Variants in JMY observed in about 807,000 individuals in gnomAD.
The protein encoded by JMY is junction mediating and regulatory protein, p53 cofactor, also known as junction-mediating and -regulatory protein.
Under a neutral mutation model 103.3 loss-of-function variants are expected in JMY, and 46 were observed. The ratio of observed to expected loss-of-function variants is 0.45; its 90% CI spans 0.35 to 0.57. The LOEUF (loss-of-function observed/expected upper bound fraction) is 0.57, where lower values mean the gene tolerates loss of function less well. Among genes scored for constraint, JMY ranks in the 20% least tolerant of loss-of-function variants. The probability of loss-of-function intolerance (pLI) is 0.00; values close to 1 mark genes in which losing one functional copy is unlikely to be tolerated. For missense variants in JMY, 1,238 were observed against 1,255.2 expected, an observed-to-expected ratio of 0.99 and a Z score of 0.21; for synonymous variants, 526 against 489.3, an observed-to-expected ratio of 1.07 and a Z score of -0.99.
intron 1 of JMY, among the ~76,000 whole-genome samples, chr5:79,276,654 T>TGG (rs1745945401): frequency 6.6e-6 from 1 of 152,078 alleles, no homozygotes; most frequent in Admixed American, 6.6e-5. Context: ...GTCGCCAGGC[T>TGG]GGAGTTCAGT....
chr5:79,294,555 G>C (rs974556714), intron 4 of JMY, among the ~76,000 whole-genome samples: 1 of 152,156 alleles, frequency 6.6e-6, no homozygotes, highest in Admixed American at 6.5e-5. Flanking sequence ...GTGGCTGAAA[G>C]ACTTTAAAAA....
chr5:79,274,333 G>A (rs749605488), intron 1 of JMY, among the ~76,000 whole-genome samples: 6 of 151,458 alleles, frequency 4.0e-5, no homozygotes, highest in South Asian at 2.1e-4. Flanking sequence ...ATATTTGTCT[G>A]TTAAATCCAT....
At chr5:79,304,414 A>T (rs1746823051) in intron 6 of JMY, among the ~76,000 whole-genome samples, 1 of 152,164 alleles carries the variant, frequency 6.6e-6, no homozygotes, top group African/African-American at 2.4e-5. Context: ...TCATCTTAAG[A>T]TTGCATACAC....
chr5:79,277,084 C>T (rs1192396097), intron 1 of JMY, among the ~76,000 whole-genome samples: 3 of 151,956 alleles, frequency 2.0e-5, no homozygotes, highest in Non-Finnish European at 4.4e-5. Flanking sequence ...ATATTTATCA[C>T]AGTTTGAAAT....
At chr5:79,284,072 T>G (rs1308652351) in intron 2 of JMY, 9 of 1,081,952 alleles carry the variant, frequency 8.3e-6, no homozygotes, top group Non-Finnish European at 6.4e-6. Context: ...TTTTTTTATT[T>G]TATTTTTATT....
In JMY at chr5:79,300,330, A is replaced by G; in HGVS notation, c.1693+12A>G. 1 of 1,504,018 alleles carries G rather than the reference A, an allele frequency of 6.6e-7. No individual in the cohort carries two copies. Among genetic ancestry groups the G allele is most frequent in the Non-Finnish European group, 8.9e-7 (1 of 1,129,676 alleles). 93.2% of individuals were successfully genotyped at this position (1,504,018 alleles called of 1,614,324 possible). The stretch of plus-strand genomic sequence containing the variant: ...AAGACTTATATCAGGTATGGCGTGC[A>G]TTTAACCACATAAGTTCACCAAAGA... On this transcript the variant is annotated intron_variant, in intron 5 of 10. Transcript: ENST00000396137.
At position 79,325,173 on chromosome 5, in the gene JMY, A is replaced by G. The variant is rs1328911755; in HGVS notation, c.*3571A>G. On this transcript the variant is annotated 3_prime_UTR_variant, in exon 11 of 11. Coordinates refer to ENST00000396137, the MANE Select transcript of JMY (RefSeq NM_152405.5). ...AAGTTACAGTCACATGAGTGTTTGT[A>G]TAAATTTAAGTCAATGCTTTTAGCC... 6.6e-6 allele frequency: 1 copy of G among 152,436 alleles called. No homozygotes were observed. The highest frequency in any genetic ancestry group is 1.5e-5 in the Non-Finnish European group (1 of 68,024). 9.4% of individuals were successfully genotyped at this position (152,436 alleles called of 1,614,324 possible). A position where few individuals can be genotyped will look rare whatever the true frequency, so the allele number is the denominator to read the frequency against.
intron 1 of JMY, among the ~76,000 whole-genome samples, chr5:79,264,801 C>T (rs1438851394): frequency 2.0e-5 from 3 of 152,100 alleles, no homozygotes; most frequent in Non-Finnish European, 4.4e-5. Flanking sequence ...GGAACTGAAC[C>T]ATAAGAAATG....
intron 10 of JMY, among the ~76,000 whole-genome samples, chr5:79,318,162 C>T (rs1324204872): frequency 7.1e-6 from 1 of 140,016 alleles, no homozygotes; most frequent in Non-Finnish European, 1.6e-5. Flanking sequence ...CCATGATGCC[C>T]GGCTCTTTTT....
At chr5:79,278,584 A>C (rs150994913) in intron 2 of JMY, among the ~76,000 whole-genome samples, 1,457 of 127,914 alleles carry the variant, frequency 0.011, 13 homozygotes, top group Non-Finnish European at 0.019. Flanking sequence ...ACCCGTCTCT[A>C]CAAAAAAAAA....
At chr5:79,270,639 ATATT>A (rs1253484221) in intron 1 of JMY, among the ~76,000 whole-genome samples, 7 of 139,802 alleles carry the variant, frequency 5.0e-5, no homozygotes, top group South Asian at 2.1e-4. Context: ...ATTTACATAA[ATATT>A]TATATAAAAT....
intron 4 of JMY, among the ~76,000 whole-genome samples, chr5:79,293,327 A>G (rs1232053633): frequency 6.6e-6 from 1 of 152,198 alleles, no homozygotes; most frequent in Non-Finnish European, 1.5e-5. Context: ...GTTTGACTTG[A>G]AAGAATTAAC....
intron 4 of JMY, among the ~76,000 whole-genome samples, chr5:79,296,171 A>G (rs971837486): frequency 1.3e-5 from 2 of 152,236 alleles, no homozygotes; most frequent in African/African-American, 4.8e-5. Context: ...TGGTCACATT[A>G]AATGGAATAC....
chr5:79,289,195 A>G (rs1358293404), intron 2 of JMY, among the ~76,000 whole-genome samples: 1 of 150,346 alleles, frequency 6.7e-6, no homozygotes, highest in Admixed American at 6.7e-5. Flanking sequence ...AGATCGCACT[A>G]CTGTACTCCA....
chr5:79,260,310 T>C (rs1745383443), intron 1 of JMY, among the ~76,000 whole-genome samples: 1 of 152,136 alleles, frequency 6.6e-6, no homozygotes, highest in African/African-American at 2.4e-5. Flanking sequence ...CTCCAGGACA[T>C]GGGGCACAGG....
chr5:79,289,755 A>C (rs1282109218), intron 2 of JMY, among the ~76,000 whole-genome samples: 1 of 150,972 alleles, frequency 6.6e-6, no homozygotes, highest in Non-Finnish European at 1.5e-5. Context: ...CTGTTAAGGA[A>C]ATAAACAATT....
rs768455545 is a variant in JMY at position 79,314,469 on chromosome 5, A to G, written c.2277A>G (p.Glu759=). ...AACCCCAGAGCCTTGTGCAACTTGA[A>G]GATACTTCATTAACACAACTTGAAG... ...TTEPQSLVQL[E]DTSLTQLEAT... Residue 759 remains glutamate (E), a synonymous_variant, in exon 9 of 11, where the codon GAA becomes GAG. Transcript: ENST00000396137. 4 of 1,614,184 alleles carry G rather than the reference A, an allele frequency of 2.5e-6. No individual in the cohort carries two copies. In the East Asian group the frequency reaches 8.9e-5, roughly 36 times the overall value.
intron 2 of JMY, among the ~76,000 whole-genome samples, chr5:79,281,190 A>G (rs985035769): frequency 2.0e-5 from 3 of 151,174 alleles, no homozygotes; most frequent in African/African-American, 7.3e-5. Flanking sequence ...GACTACAGGC[A>G]CCTGCCACCA....
At chr5:79,310,922 T>C (rs1467358383) in intron 7 of JMY, among the ~76,000 whole-genome samples, 1 of 152,126 alleles carries the variant, frequency 6.6e-6, no homozygotes, top group Non-Finnish European at 1.5e-5. Context: ...GGAGGATCAC[T>C]TGGGCCCAGG....
Sources: allele counts gnomAD v4.1 joint callset (sites outside exome capture counted in the v4.1 genomes callset), GRCh38; gene constraint gnomAD v4.1.1; transcripts MANE v1.5; gene names NCBI Gene and HGNC (gene_info 2026-07-23, HGNC 2026-07-21).